TMC2: variants seen among roughly 807,000 people sequenced by gnomAD.
The protein encoded by TMC2 is transmembrane channel like 2, also known as transmembrane channel-like protein 2.
TMC2 carries 102 observed loss-of-function variants against 105.9 expected under a neutral mutation model. The observed-to-expected ratio is 0.96, with a 90% CI of 0.82 to 1.14. TMC2 has a LOEUF of 1.14. Ranked by LOEUF, TMC2 falls within the 50% of genes most tolerant of loss-of-function variation. The pLI is 0.00. For synonymous variants in TMC2, 402 were observed against 422.8 expected (o/e 0.95, Z 0.60); for missense variants, 1,093 against 1,134.3 (o/e 0.96, Z 0.52).
At chr20:2,624,893 C>A (rs1223349457) in intron 17 of TMC2, among the ~76,000 whole-genome samples, 1 of 152,206 alleles carries the variant, frequency 6.6e-6, no homozygotes, top group Non-Finnish European at 1.5e-5. Flanking sequence ...CTGAGCCTAT[C>A]AGGAAGCTGA....
At chr20:2,584,093 A>C (rs2086214186) in intron 7 of TMC2, among the ~76,000 whole-genome samples, 1 of 152,190 alleles carries the variant, frequency 6.6e-6, no homozygotes. Flanking sequence ...TTCAGTCTGT[A>C]AACCTCTTAT....
In TMC2 at chr20:2,592,045, G is replaced by A. The variant is rs563914752; in HGVS notation, c.835-265G>A. Among the ~76,000 whole-genome samples the A allele has an allele frequency of 3.3e-5, 5 of 152,236 alleles. No individual in the cohort carries two copies. The highest frequency in any genetic ancestry group is 3.9e-4 in the East Asian group (2 of 5,172). ...CAGGCACCTGTAATCCCAGCTACTC[G>A]GGAGACTGAGGCAGGAGAATCACTT... is the stretch of plus-strand genomic sequence containing the variant. On this transcript the variant is annotated intron_variant, in intron 7 of 19. Coordinates refer to ENST00000358864, the MANE Select transcript of TMC2 (RefSeq NM_080751.3). This position sits in a 1 kb window ranked among gnomAD's most constrained non-coding sequence, Gnocchi z 4.9.
intron 14 of TMC2, chr20:2,613,986 TTGACCTA>T (rs1302128229): frequency 6.5e-6 from 1 of 153,284 alleles, no homozygotes; most frequent in African/African-American, 2.4e-5. Context: ...CCGTAGGATG[TTGACCTA>T]TGTATCCCTC....
At chr20:2,612,464 A>T (rs924616305) in intron 13 of TMC2, 124 bp downstream of exon 13, 1 of 952,894 alleles carries the variant, frequency 1.0e-6, no homozygotes, top group African/African-American at 1.6e-5. Context: ...CAAACATTTC[A>T]TAATCATCTA....
Position 2,558,408 on chromosome 20 carries a change from G to A in TMC2, c.83-48G>A. On this transcript the variant is annotated intron_variant, in intron 2 of 19. Coordinates refer to ENST00000358864, the MANE Select transcript of TMC2 (RefSeq NM_080751.3). The surrounding 1 kb of genome is among the most constrained non-coding windows in gnomAD (Gnocchi z 4.6). The stretch of plus-strand genomic sequence containing the variant: ...TCTCACGGCCGGGGACATTTTCCTG[G>A]GCCTGAGGCCGTTGGAACCAGAACT... The A allele has an allele frequency of 6.5e-7, 1 of 1,547,020 alleles. No individual in the cohort carries two copies. The highest frequency in any genetic ancestry group is 8.7e-7 in the Non-Finnish European group (1 of 1,145,208).
chr20:2,628,757 CT>C (rs1395534967), intron 17 of TMC2, among the ~76,000 whole-genome samples: 2 of 152,240 alleles, frequency 1.3e-5, no homozygotes, highest in African/African-American at 4.8e-5. Context: ...AATTAAATCT[CT>C]TTCCTTTATA....
rs906848817 is a variant in TMC2 at position 2,640,021 on chromosome 20, C to G, written c.2504-1113C>G. Among the ~76,000 whole-genome samples the G allele has an allele frequency of 2.0e-5, 3 of 152,294 alleles. No individual in the cohort carries two copies. The East Asian group carries it at 5.8e-4, about 29-fold the overall frequency. Reference sequence around the variant, plus strand: ...TTTTTGAGATGGAGTCACACTCTGTCGCCCAGGCTGGAGTGCAGTGGCACG... The same window carrying G: ...TTTTTGAGATGGAGTCACACTCTGTGGCCCAGGCTGGAGTGCAGTGGCACG... On this transcript the variant is annotated intron_variant, in intron 19 of 19. Coordinates refer to ENST00000358864, the MANE Select transcript of TMC2 (RefSeq NM_080751.3).
chr20:2,610,702 A>C (rs924632491), intron 12 of TMC2, 104 bp downstream of exon 12: 4 of 658,230 alleles, frequency 6.1e-6, no homozygotes, highest in Non-Finnish European at 8.2e-6. Flanking sequence ...TTAATTAAAT[A>C]AATGTAAATT....
intron 18 of TMC2, 40 bp downstream of exon 18, chr20:2,636,044 G>A (rs762814752): frequency 2.5e-6 from 4 of 1,579,096 alleles, no homozygotes; most frequent in Non-Finnish European, 3.5e-6. Context: ...GGTAAAAAGA[G>A]ATCATGTTTT....
intron 4 of TMC2, among the ~76,000 whole-genome samples, chr20:2,567,249 A>G (rs1452219060): frequency 1.3e-5 from 2 of 152,242 alleles, no homozygotes; most frequent in Non-Finnish European, 2.9e-5. Context: ...AGCGGTAACA[A>G]GGAGCTTCTC....
chr20:2,638,186 A>G (rs2086662562), intron 19 of TMC2, among the ~76,000 whole-genome samples: 2 of 152,020 alleles, frequency 1.3e-5, no homozygotes, highest in African/African-American at 4.8e-5. Flanking sequence ...CTAAAAATAC[A>G]AAAAATTAGC....
In TMC2 at chr20:2,558,326, C is replaced by T; in HGVS notation, c.83-130C>T. ...GCCAAGGTGCCATACTTTGGGGTGT[C>T]CTGTTCTGAGCCCCGCAGAGCTCAC... is the stretch of plus-strand genomic sequence containing the variant. On this transcript the variant is annotated intron_variant, in intron 2 of 19. Transcript: ENST00000358864. This position sits in a 1 kb window ranked among gnomAD's most constrained non-coding sequence, Gnocchi z 4.6. 6.8e-7 allele frequency: 1 copy of T among 1,473,850 alleles called. No individual in the cohort carries two copies. Among genetic ancestry groups the T allele is most frequent in the Non-Finnish European group, 9.0e-7 (1 of 1,111,924 alleles). 91.3% of individuals were successfully genotyped at this position (1,473,850 alleles called of 1,614,324 possible). A position where few individuals can be genotyped will look rare whatever the true frequency, so the allele number is the denominator to read the frequency against.
chr20:2,548,625 C>T (rs183279241), intron 2 of TMC2, among the ~76,000 whole-genome samples: 14 of 145,008 alleles, frequency 9.7e-5, no homozygotes, highest in Admixed American at 5.0e-4. Flanking sequence ...GAAACAAGAG[C>T]GAAACTCCAT....
At chr20:2,589,395 C>A (rs556219252) in intron 7 of TMC2, among the ~76,000 whole-genome samples, 1 of 150,356 alleles carries the variant, frequency 6.7e-6, no homozygotes, top group Admixed American at 6.7e-5. Flanking sequence ...CCTGCCTCAA[C>A]CTCCCAAACC....
chr20:2,560,272 A>G (rs1326745956), intron 3 of TMC2, among the ~76,000 whole-genome samples: 1 of 152,050 alleles, frequency 6.6e-6, no homozygotes. Context: ...ATGGCAAAAA[A>G]AAAAAAAATA....
At chr20:2,548,569 C>T (rs1179281430) in intron 2 of TMC2, among the ~76,000 whole-genome samples, 1 of 151,004 alleles carries the variant, frequency 6.6e-6, no homozygotes, top group Non-Finnish European at 1.5e-5. Flanking sequence ...ACCCAGGAGG[C>T]GGAGGTTGCA....
At chr20:2,602,033 A>T in intron 10 of TMC2, 80 bp from the exon 11 acceptor site, 1 of 910,244 alleles carries the variant, frequency 1.1e-6, no homozygotes, top group Non-Finnish European at 1.7e-6. Flanking sequence ...TATAGAAAGT[A>T]CTATTTTCAG....
intron 19 of TMC2, among the ~76,000 whole-genome samples, chr20:2,639,521 T>C (rs1373411983): frequency 6.6e-6 from 1 of 152,228 alleles, no homozygotes; most frequent in Non-Finnish European, 1.5e-5. Flanking sequence ...ATAGCCTATG[T>C]GTATAACAGG....
At chr20:2,611,935 C>A (rs1158127762) in intron 12 of TMC2, among the ~76,000 whole-genome samples, 3 of 143,822 alleles carry the variant, frequency 2.1e-5, no homozygotes, top group Admixed American at 1.4e-4. Context: ...GATGAATAGA[C>A]AAGTGGATGG....
Sources: gnomAD v4.1 joint callset for allele counts (sites outside exome capture counted in the v4.1 genomes callset) on GRCh38, gnomAD v4.1.1 for gene constraint, Gnocchi (gnomAD v3.1) non-coding constraint, MANE v1.5 for transcripts, NCBI Gene and HGNC (gene_info 2026-07-23, HGNC 2026-07-21) for gene names.